Variants in KCNAB1 observed in about 807,000 individuals in gnomAD.
KCNAB1 encodes potassium voltage-gated channel subfamily A regulatory beta subunit 1.
Under a neutral mutation model 64.6 loss-of-function variants are expected in KCNAB1, and 35 were observed. The ratio of observed to expected loss-of-function variants is 0.54; its 90% CI spans 0.41 to 0.72. KCNAB1 has a LOEUF of 0.72. KCNAB1 is among the 30% of genes least tolerant of loss of function. The pLI, the probability that KCNAB1 is intolerant of heterozygous loss-of-function variation, is 0.00. For synonymous variants in KCNAB1, 177 were observed against 183.8 expected, an observed-to-expected ratio of 0.96 and a Z score of 0.30; for missense variants, 401 against 512.9, an observed-to-expected ratio of 0.78 and a Z score of 2.11.
intron 1 of KCNAB1, among the ~76,000 whole-genome samples, chr3:156,384,081 C>T (rs1712382927): frequency 6.6e-6 from 1 of 152,174 alleles, no homozygotes; most frequent in Non-Finnish European, 1.5e-5. Context: ...GGTCTGTATC[C>T]TACTTGAAGA....
intron 1 of KCNAB1, among the ~76,000 whole-genome samples, chr3:156,206,776 C>G (rs1217373170): frequency 1.3e-5 from 2 of 152,148 alleles, no homozygotes; most frequent in Non-Finnish European, 1.5e-5. Context: ...TAAGTATTTT[C>G]TGCTTGGCTA....
intron 2 of KCNAB1, among the ~76,000 whole-genome samples, chr3:156,449,046 T>G (rs897958151): frequency 2.0e-5 from 3 of 152,116 alleles, no homozygotes; most frequent in African/African-American, 7.2e-5. Context: ...AGGGAGGTAG[T>G]CATCATGAAC....
intron 1 of KCNAB1, among the ~76,000 whole-genome samples, chr3:156,190,497 T>A (rs1032043429): frequency 2.6e-5 from 4 of 152,048 alleles, no homozygotes; most frequent in African/African-American, 9.7e-5. Context: ...AAGCAAGAAA[T>A]AAAGTAAATA....
intron 1 of KCNAB1, among the ~76,000 whole-genome samples, chr3:156,133,899 C>G (rs6780500): frequency 0.64 from 97,813 of 151,718 alleles, 31,954 homozygotes; most frequent in Admixed American, 0.74. Context: ...AGAACAAATT[C>G]GTTGACTTTT....
intron 1 of KCNAB1, among the ~76,000 whole-genome samples, chr3:156,328,791 A>G (rs1404158709): frequency 6.6e-6 from 1 of 152,168 alleles, no homozygotes; most frequent in Non-Finnish European, 1.5e-5. Flanking sequence ...CCAGGGAGAA[A>G]TTGATCTATA....
intron 1 of KCNAB1, among the ~76,000 whole-genome samples, chr3:156,122,929 C>G (rs992991185): frequency 6.6e-6 from 1 of 152,308 alleles, no homozygotes; most frequent in South Asian, 2.1e-4. Flanking sequence ...ATTCCTCTGT[C>G]GAGTCCTTGA....
intron 1 of KCNAB1, among the ~76,000 whole-genome samples, chr3:156,387,713 G>A (rs1399675649): frequency 1.3e-5 from 2 of 152,168 alleles, no homozygotes; most frequent in African/African-American, 4.8e-5. Context: ...TACTTAACAA[G>A]CAGGGGCAAT....
intron 1 of KCNAB1, among the ~76,000 whole-genome samples, chr3:156,150,338 AC>A (rs1715330835): frequency 6.6e-6 from 1 of 152,178 alleles, no homozygotes; most frequent in Non-Finnish European, 1.5e-5. Flanking sequence ...AGAGTGAGAG[AC>A]GAGTGCTGCT....
intron 1 of KCNAB1, among the ~76,000 whole-genome samples, chr3:156,332,078 T>G (rs1464044652): frequency 6.6e-6 from 1 of 152,178 alleles, no homozygotes; most frequent in Non-Finnish European, 1.5e-5. Flanking sequence ...GATGCAATAC[T>G]CTTGATTGGA....
At position 156,421,671 on chromosome 3, in the gene KCNAB1, G is replaced by C. The variant is rs180871390; in HGVS notation, c.319+12G>C. The C allele has an allele frequency of 2.5e-6, 4 of 1,613,436 alleles. No homozygotes were observed. In the East Asian group the frequency reaches 6.7e-5, roughly 27 times the overall value. The stretch of plus-strand genomic sequence containing the variant: ...TTGCTTGGGTCTTGGTAAGTACTGA[G>C]GGTGTGACCTGGGGGTGGGCTGGAA... On this transcript the variant is annotated intron_variant, in intron 2 of 13. Coordinates refer to ENST00000490337, the MANE Select transcript of KCNAB1 (RefSeq NM_172160.3).
intron 1 of KCNAB1, chr3:156,176,675 C>T (rs1445864898): frequency 1.1e-5 from 11 of 1,045,466 alleles, no homozygotes; most frequent in South Asian, 2.5e-5. Context: ...TAAGGTGGAT[C>T]GGTTGGGGGT....
intron 1 of KCNAB1, among the ~76,000 whole-genome samples, chr3:156,133,293 A>G (rs1474058966): frequency 6.6e-6 from 1 of 152,252 alleles, no homozygotes; most frequent in Non-Finnish European, 1.5e-5. Context: ...GTTGAACAAA[A>G]TATTAAATGC....
chr3:156,248,266 T>G (rs1717585352), intron 1 of KCNAB1, among the ~76,000 whole-genome samples: 1 of 152,190 alleles, frequency 6.6e-6, no homozygotes, highest in East Asian at 1.9e-4. Context: ...TGTTCTGTTT[T>G]GGGGTGGCTT....
intron 13 of KCNAB1, among the ~76,000 whole-genome samples, chr3:156,533,357 C>G (rs1718834023): frequency 6.6e-6 from 1 of 152,144 alleles, no homozygotes; most frequent in African/African-American, 2.4e-5. Flanking sequence ...CAGGAAAGTG[C>G]ATTCCAGGGA....
At chr3:156,312,647 G>A (rs1200025763) in intron 1 of KCNAB1, among the ~76,000 whole-genome samples, 2 of 121,282 alleles carry the variant, frequency 1.6e-5, no homozygotes, top group East Asian at 2.2e-4. Context: ...GGGAGGTGGA[G>A]GTTGCCAAGA....
intron 1 of KCNAB1, among the ~76,000 whole-genome samples, chr3:156,236,580 A>G (rs1419984556): frequency 1.3e-5 from 2 of 152,222 alleles, no homozygotes; most frequent in Non-Finnish European, 2.9e-5. Flanking sequence ...TGATGAAAAC[A>G]TAAGCATGCT....
intron 2 of KCNAB1, among the ~76,000 whole-genome samples, chr3:156,428,472 C>T (rs1282080303): frequency 7.2e-6 from 1 of 139,138 alleles, no homozygotes; most frequent in South Asian, 2.3e-4. Flanking sequence ...TGAGCCAATT[C>T]CTTATAATTC....
intron 1 of KCNAB1, among the ~76,000 whole-genome samples, chr3:156,403,442 G>GGTGA (rs1714040095): frequency 6.6e-6 from 1 of 152,162 alleles, no homozygotes; most frequent in African/African-American, 2.4e-5. Context: ...AAGGGGAAGG[G>GGTGA]GTGAGCCCAG....
At chr3:156,224,136 C>T (rs890254698) in intron 1 of KCNAB1, among the ~76,000 whole-genome samples, 5 of 152,234 alleles carry the variant, frequency 3.3e-5, no homozygotes, top group South Asian at 2.1e-4. Context: ...CTGGGGGACC[C>T]GGCACACCCT....
Sources: gnomAD v4.1 joint callset for allele counts (sites outside exome capture counted in the v4.1 genomes callset) on GRCh38, gnomAD v4.1.1 for gene constraint, MANE v1.5 for transcripts, NCBI Gene and HGNC (gene_info 2026-07-23, HGNC 2026-07-21) for gene names.